Variants in CLCN3 observed in about 807,000 individuals in gnomAD.
CLCN3 encodes Cl-/H+ antiporter 3.
CLCN3 carries 16 observed loss-of-function variants against 83.4 expected under a neutral mutation model. The ratio of observed to expected loss-of-function variants is 0.19; its 90% CI spans 0.13 to 0.29. CLCN3 has a LOEUF of 0.29. Among genes scored for constraint, CLCN3 ranks in the 10% least tolerant of loss-of-function variants. CLCN3 has a pLI of 1.00. For missense variants in CLCN3, 544 were observed against 1,006.0 expected (o/e 0.54, Z 6.21); for synonymous variants, 322 against 346.2 (o/e 0.93, Z 0.78).
rs1010119875 is a variant in CLCN3 at position 169,720,307 on chromosome 4, C to T, written c.*310C>T. ...GGATGTGCCTGATAGTGCAGGCTTGCGCCTCAACAGAGATGACAGCAGAGT... is the reference window on the plus strand; with the variant it reads ...GGATGTGCCTGATAGTGCAGGCTTGTGCCTCAACAGAGATGACAGCAGAGT... On this transcript the variant is annotated 3_prime_UTR_variant, in exon 13 of 13. Coordinates refer to ENST00000513761, the MANE Select transcript of CLCN3 (RefSeq NM_001829.4). The T allele has an allele frequency of 1.5e-5, 6 of 388,216 alleles. No homozygotes were observed. Among genetic ancestry groups the T allele is most frequent in the East Asian group, 8.8e-5 (2 of 22,840 alleles). 24.0% of individuals were successfully genotyped at this position (388,216 alleles called of 1,614,324 possible).
In CLCN3 at chr4:169,690,522, C is replaced by A; in HGVS notation, c.607-8C>A. On this transcript the variant is annotated splice_region_variant and splice_polypyrimidine_tract_variant and intron_variant, in intron 5 of 12. Transcript: ENST00000513761. ...TAAATTCATACTCTCGAACTATTTT[C>A]TTTTTAGGGTCCTGGTTCTTATATC... 1 of 1,602,472 alleles carries A rather than the reference C, an allele frequency of 6.2e-7. No individual in the cohort carries two copies. Among genetic ancestry groups the A allele is most frequent in the Non-Finnish European group, 8.5e-7 (1 of 1,176,716 alleles).
chr4:169,623,808 C>T (rs992793610), intron 1 of CLCN3, among the ~76,000 whole-genome samples: 2 of 151,876 alleles, frequency 1.3e-5, no homozygotes, highest in African/African-American at 2.4e-5. Flanking sequence ...AGCATTATGT[C>T]CTCCGGGTTA....
At chr4:169,712,252 T>A (rs187711924) in intron 11 of CLCN3, among the ~76,000 whole-genome samples, 1 of 152,332 alleles carries the variant, frequency 6.6e-6, no homozygotes, top group Non-Finnish European at 1.5e-5. Flanking sequence ...AATGACTATT[T>A]TATTTTCAGA....
At chr4:169,680,228 T>A (rs1245443053) in intron 3 of CLCN3, 21 bp downstream of exon 3, 12 of 1,583,708 alleles carry the variant, frequency 7.6e-6, no homozygotes, top group South Asian at 2.3e-5. Context: ...TTAGTAAAAA[T>A]TTTTAAAAAC....
chr4:169,648,715 C>T (rs572445475), intron 2 of CLCN3, among the ~76,000 whole-genome samples: 54 of 152,062 alleles, frequency 3.6e-4, no homozygotes, highest in Non-Finnish European at 6.3e-4. Flanking sequence ...AACTGTGATA[C>T]GATAAGGGCT....
intron 10 of CLCN3, 22 bp downstream of exon 10, chr4:169,704,206 G>A (rs763421807): frequency 6.3e-7 from 1 of 1,594,112 alleles, no homozygotes; most frequent in Non-Finnish European, 8.6e-7. Flanking sequence ...GTGTCTGCCT[G>A]TGTGTGGATG....
chr4:169,690,938 G>C (rs1207794943), intron 6 of CLCN3, among the ~76,000 whole-genome samples: 2 of 151,972 alleles, frequency 1.3e-5, no homozygotes, highest in Admixed American at 1.3e-4. Context: ...CAAGAGCCTG[G>C]AAGAAGTATC....
intron 8 of CLCN3, among the ~76,000 whole-genome samples, chr4:169,696,019 A>G (rs899269611): frequency 2.6e-5 from 4 of 152,252 alleles, no homozygotes; most frequent in African/African-American, 9.6e-5. Context: ...TAAATTCTGT[A>G]TTTTTAGTAG....
chr4:169,660,430 A>C, intron 2 of CLCN3: 1 of 1,382,274 alleles, frequency 7.2e-7, no homozygotes, highest in Non-Finnish European at 9.3e-7. Context: ...TATTCCCCTG[A>C]GGGAATTACA....
chr4:169,644,788 G>T (rs1410923209), intron 2 of CLCN3, among the ~76,000 whole-genome samples: 1 of 152,180 alleles, frequency 6.6e-6, no homozygotes, highest in Non-Finnish European at 1.5e-5. Context: ...GATTATCCTG[G>T]ATTATCTGGG....
chr4:169,706,353 A>G (rs1442920910), intron 10 of CLCN3, among the ~76,000 whole-genome samples: 2 of 152,200 alleles, frequency 1.3e-5, no homozygotes, highest in Middle Eastern at 3.4e-3. Flanking sequence ...GTGAGTGAAT[A>G]TTACTTGCAT....
intron 2 of CLCN3, among the ~76,000 whole-genome samples, chr4:169,660,845 A>G (rs752313176): frequency 1.9e-4 from 29 of 152,228 alleles, no homozygotes; most frequent in Non-Finnish European, 2.5e-4. Flanking sequence ...CCTATGTACC[A>G]TTATATTTTA....
intron 1 of CLCN3, among the ~76,000 whole-genome samples, chr4:169,634,767 A>G (rs1773463862): frequency 6.6e-6 from 1 of 152,086 alleles, no homozygotes; most frequent in South Asian, 2.1e-4. Flanking sequence ...ATAGTTTGAC[A>G]TTTGTTGTTC....
intron 2 of CLCN3, among the ~76,000 whole-genome samples, chr4:169,665,857 T>C (rs1291881408): frequency 6.6e-6 from 1 of 152,170 alleles, no homozygotes; most frequent in African/African-American, 2.4e-5. Context: ...ACTATATGCA[T>C]CATTTTTCAT....
At chr4:169,628,618 A>G (rs1773292787) in intron 1 of CLCN3, among the ~76,000 whole-genome samples, 1 of 152,198 alleles carries the variant, frequency 6.6e-6, no homozygotes, top group African/African-American at 2.4e-5. Flanking sequence ...CATCTATCAG[A>G]ATAGCTAAAA....
chr4:169,713,160 A>G lies in CLCN3; in HGVS notation c.2231A>G (p.Glu744Gly). Residue 744 changes from glutamate to glycine, a missense_variant, in exon 12 of 13, where the codon GAA (glutamate) becomes GGA (glycine). Physicochemically the swap from Glu to Gly is moderately conservative, Grantham distance 98 (BLOSUM62 -2). Coordinates refer to ENST00000513761, the MANE Select transcript of CLCN3 (RefSeq NM_001829.4). Reference protein sequence around the residue: ...FAQHTPSLPAESPRPLKLRSI... With the variant: ...FAQHTPSLPAGSPRPLKLRSI... ...CAGCACACCCCATCTCTTCCAGCAGAAAGTCCTCGGCCATTGAAGCTTCGA... is the reference window on the plus strand; with the variant it reads ...CAGCACACCCCATCTCTTCCAGCAGGAAGTCCTCGGCCATTGAAGCTTCGA... 6.2e-7 allele frequency: 1 copy of G among 1,614,236 alleles called. No homozygotes were observed. The highest frequency in any genetic ancestry group is 8.5e-7 in the Non-Finnish European group (1 of 1,180,030).
chr4:169,670,014 G>T (rs1450293376), intron 2 of CLCN3, among the ~76,000 whole-genome samples: 2 of 152,102 alleles, frequency 1.3e-5, no homozygotes, highest in East Asian at 3.8e-4. Flanking sequence ...TGTAGATTCT[G>T]GATATTAGAC....
In CLCN3 at chr4:169,621,025, A is replaced by G. The variant is rs1178724112; in HGVS notation, c.-55A>G. The G allele has an allele frequency of 2.3e-5, 9 of 397,650 alleles. No homozygotes were observed. Among genetic ancestry groups the G allele is most frequent in the Admixed American group, 4.4e-5 (1 of 22,706 alleles). The allele number at this position is 397,650 out of a possible 1,614,324, so 24.6% of individuals were successfully genotyped here. ...GATGCAGAATCCAAAGGCAGCGCAA[A>G]AAACAGCCACCGATTTTGCTATGTC... On this transcript the variant is annotated 5_prime_UTR_variant, in exon 1 of 13. Transcript: ENST00000513761.
chr4:169,670,478 T>C (rs1385635829), intron 2 of CLCN3, among the ~76,000 whole-genome samples: 1 of 152,210 alleles, frequency 6.6e-6, no homozygotes, highest in Non-Finnish European at 1.5e-5. Flanking sequence ...GGTCTGTATA[T>C]GTGTTTTGGT....
Sources: allele counts gnomAD v4.1 joint callset (sites outside exome capture counted in the v4.1 genomes callset), GRCh38; gene constraint gnomAD v4.1.1; transcripts MANE v1.5; gene names NCBI Gene and HGNC (gene_info 2026-07-23, HGNC 2026-07-21).